Variants in PTGFR observed in about 807,000 individuals in gnomAD.
PTGFR encodes prostaglandin F receptor, also known as prostaglandin F2-alpha receptor.
A neutral mutation model predicts 26.2 loss-of-function variants in PTGFR; 15 were observed. The observed-to-expected ratio is 0.57, with a 90% CI of 0.38 to 0.88. PTGFR has a LOEUF of 0.88. Ranked by LOEUF, PTGFR falls within the 40% of genes least tolerant of loss-of-function variation. PTGFR has a pLI of 0.00. For synonymous variants in PTGFR, 165 were observed against 151.1 expected (o/e 1.09, Z -0.68); for missense variants, 369 against 427.2 (o/e 0.86, Z 1.20).
At chr1:78,511,892 G>A (rs35442537) in intron 2 of PTGFR, among the ~76,000 whole-genome samples, 46,192 of 151,912 alleles carry the variant, frequency 0.3, 7,570 homozygotes, top group Middle Eastern at 0.43. Flanking sequence ...ACACTTTGCC[G>A]CTTGCTTCTT....
At chr1:78,505,200 G>A (rs1383149608) in intron 2 of PTGFR, among the ~76,000 whole-genome samples, 2 of 143,016 alleles carry the variant, frequency 1.4e-5, no homozygotes, top group East Asian at 4.1e-4. Context: ...TTGGCTCACT[G>A]CAACCTCCAC....
In PTGFR at chr1:78,536,814, T is replaced by C. The variant is rs1650669088; in HGVS notation, c.*127T>C. 9.5e-7 allele frequency: 1 copy of C among 1,055,946 alleles called. No homozygotes were observed. The highest frequency in any genetic ancestry group is 1.6e-5 in the African/African-American group (1 of 61,472). The allele number at this position is 1,055,946 out of a possible 1,614,324, so 65.4% of individuals were successfully genotyped here. A position where few individuals can be genotyped will look rare whatever the true frequency, so the allele number is the denominator to read the frequency against. On this transcript the variant is annotated 3_prime_UTR_variant, in exon 3 of 3. Transcript: ENST00000370757. Reference sequence around the variant, plus strand: ...GCTTCATCATGTAGTTTGAAGATACTATTGTCAGATTCAGGTTTTGAAATT... The same window carrying C: ...GCTTCATCATGTAGTTTGAAGATACCATTGTCAGATTCAGGTTTTGAAATT...
intron 2 of PTGFR, among the ~76,000 whole-genome samples, chr1:78,499,687 T>G (rs940421123): frequency 6.6e-6 from 1 of 152,218 alleles, no homozygotes; most frequent in African/African-American, 2.4e-5. Flanking sequence ...AGTAATGTCC[T>G]GGAGAATCTT....
In PTGFR at chr1:78,537,277, C is replaced by T. The variant is rs7539356; in HGVS notation, c.*590C>T. On this transcript the variant is annotated 3_prime_UTR_variant, in exon 3 of 3. Coordinates refer to ENST00000370757, the MANE Select transcript of PTGFR (RefSeq NM_000959.4). ...CCCTGCAATCCTATCTAGAATGGGC[C>T]CATTCTTGTCATATTTGACAAATAG... 0.15 allele frequency: 23,165 copies of T among 151,898 alleles called. 1,871 individuals carry two copies. Among genetic ancestry groups the T allele is most frequent in the Non-Finnish European group, 0.18 (12,530 of 67,910 alleles). The allele number at this position is 151,898 out of a possible 1,614,324, so 9.4% of individuals were successfully genotyped here. A position where few individuals can be genotyped will look rare whatever the true frequency, so the allele number is the denominator to read the frequency against.
At position 78,515,317 on chromosome 1, in the gene PTGFR, G is replaced by A. The variant is rs761881379; in HGVS notation, c.799-21089G>A. Among the ~76,000 whole-genome samples, 8 of 152,060 alleles carry A rather than the reference G, an allele frequency of 5.3e-5. No homozygotes were observed. The East Asian group carries it at 5.8e-4, about 11-fold the overall frequency. ...ACCTGAAGAGGGGAGGGGGATTAAC[G>A]TGCTATCATGACTTTAAGAACAGGT... On this transcript the variant is annotated intron_variant, in intron 2 of 2. Coordinates refer to ENST00000370757, the MANE Select transcript of PTGFR (RefSeq NM_000959.4).
At chr1:78,518,516 T>C (rs1237578268) in intron 2 of PTGFR, among the ~76,000 whole-genome samples, 1 of 150,964 alleles carries the variant, frequency 6.6e-6, no homozygotes, top group East Asian at 1.9e-4. Flanking sequence ...ATTACTTTAA[T>C]ACAAAAGAGA....
chr1:78,504,650 G>A (rs1196729356), intron 2 of PTGFR, among the ~76,000 whole-genome samples: 4 of 152,094 alleles, frequency 2.6e-5, no homozygotes, highest in African/African-American at 9.7e-5. Flanking sequence ...GATGATATCA[G>A]TATTTACCTC....
chr1:78,512,182 C>T (rs1649987888), intron 2 of PTGFR, among the ~76,000 whole-genome samples: 1 of 152,320 alleles, frequency 6.6e-6, no homozygotes, highest in East Asian at 1.9e-4. Context: ...CCAAACTCTT[C>T]CAACCTCTGC....
chr1:78,501,174 C>A (rs1649695976), intron 2 of PTGFR, among the ~76,000 whole-genome samples: 2 of 152,078 alleles, frequency 1.3e-5, no homozygotes, highest in Admixed American at 1.3e-4. Context: ...GGGTTTTGGG[C>A]TTTTCATTAA....
At chr1:78,528,294 C>CAAAAAAAAAA (rs35137595) in intron 2 of PTGFR, among the ~76,000 whole-genome samples, 4 of 20,118 alleles carry the variant, frequency 2.0e-4, no homozygotes, top group Non-Finnish European at 2.1e-4. Context: ...AGAAAGTTAG[C>CAAAAAAAAAA]AAAAAAAAAA....
At chr1:78,524,906 A>ATTTTTTTTTTTTTTTTTTTTTTTT (rs35641651) in intron 2 of PTGFR, among the ~76,000 whole-genome samples, 2 of 70,524 alleles carry the variant, frequency 2.8e-5, no homozygotes, top group African/African-American at 5.0e-5. Flanking sequence ...CAAATGCAAG[A>ATTTTTTTTTTTTTTTTTTTTTTTT]TTTTTTTTTT....
At position 78,536,915 on chromosome 1, in the gene PTGFR, A is replaced by G; in HGVS notation, c.*228A>G. On this transcript the variant is annotated 3_prime_UTR_variant, in exon 3 of 3. Transcript: ENST00000370757. ...GAGGTAGACACAATAAAATAATGCC[A>G]TGGGAGTCACACTGAAAGCAATTTT... 7.9e-6 allele frequency: 4 copies of G among 503,156 alleles called. No individual in the cohort carries two copies. The South Asian group carries it at 9.1e-5, about 11-fold the overall frequency. The allele number at this position is 503,156 out of a possible 1,614,324, so 31.2% of individuals were successfully genotyped here. A position where few individuals can be genotyped will look rare whatever the true frequency, so the allele number is the denominator to read the frequency against.
Position 78,523,710 on chromosome 1 carries a change from AT to A in PTGFR, c.799-12695del, listed in dbSNP as rs536137662. On this transcript the variant is annotated intron_variant, in intron 2 of 2. Coordinates refer to ENST00000370757, the MANE Select transcript of PTGFR (RefSeq NM_000959.4). ...TAAATAATATTTTAAACTAGCTTAT[AT>A]AATAAAGAGATGCCACATTATTATG... Among the ~76,000 whole-genome samples, 39 of 152,312 alleles carry A rather than the reference AT, an allele frequency of 2.6e-4. 1 individual carries two copies. In the South Asian group the frequency reaches 7.5e-3, roughly 29 times the overall value.
At chr1:78,534,188 G>A (rs2100403761) in intron 2 of PTGFR, among the ~76,000 whole-genome samples, 4 of 152,264 alleles carry the variant, frequency 2.6e-5, no homozygotes, top group Middle Eastern at 3.4e-3. Flanking sequence ...GAAACTGTAT[G>A]AAAGACTGTG....
At chr1:78,533,202 T>C (rs1650564841) in intron 2 of PTGFR, among the ~76,000 whole-genome samples, 1 of 152,190 alleles carries the variant, frequency 6.6e-6, no homozygotes. Flanking sequence ...ATTTAGTAAA[T>C]GGATTGATTA....
chr1:78,510,171 T>TTA (rs1207656017), intron 2 of PTGFR, among the ~76,000 whole-genome samples: 58 of 152,292 alleles, frequency 3.8e-4, no homozygotes, highest in Admixed American at 6.5e-4. Flanking sequence ...CCCTCTCCTC[T>TTA]AGAAGGCCAC....
chr1:78,510,976 A>G (rs966578910), intron 2 of PTGFR, among the ~76,000 whole-genome samples: 6 of 152,206 alleles, frequency 3.9e-5, no homozygotes, highest in Non-Finnish European at 7.3e-5. Flanking sequence ...CATGTCCCAC[A>G]CTCAGGGCAC....
chr1:78,492,750 A>G lies in PTGFR; in HGVS notation c.7A>G (p.Met3Val). 1.9e-6 allele frequency: 3 copies of G among 1,611,244 alleles called. No individual in the cohort carries two copies. The highest frequency in any genetic ancestry group is 2.2e-5 in the South Asian group (2 of 90,570). The change falls in exon 2 of 3, where the codon ATG becomes GTG. Residue 3 changes from methionine (M) to valine (V), a missense_variant. Coordinates refer to ENST00000370757, the MANE Select transcript of PTGFR (RefSeq NM_000959.4). MS[M>V]NNSKQLVSPA... ...GGCTTTTATCTCCACAACAATGTCC[A>G]TGAACAATTCCAAACAGCTAGTGTC...
intron 2 of PTGFR, among the ~76,000 whole-genome samples, chr1:78,494,072 C>A (rs1403116734): frequency 1.3e-5 from 2 of 152,248 alleles, no homozygotes; most frequent in African/African-American, 4.8e-5. Context: ...AACTCAGGAA[C>A]AATGCCATTA....
Sources: allele counts gnomAD v4.1 joint callset (sites outside exome capture counted in the v4.1 genomes callset), GRCh38; gene constraint gnomAD v4.1.1; transcripts MANE v1.5; gene names NCBI Gene and HGNC (gene_info 2026-07-23, HGNC 2026-07-21).